PAFAH1B1: variants seen among roughly 807,000 people sequenced by gnomAD.
PAFAH1B1 encodes the protein platelet activating factor acetylhydrolase 1b regulatory subunit 1, also known as platelet-activating factor acetylhydrolase IB subunit beta.
PAFAH1B1 carries 2 observed loss-of-function variants against 57.5 expected under a neutral mutation model. That is an observed-to-expected ratio of 0.03 (90% CI 0.01 to 0.11). The LOEUF (loss-of-function observed/expected upper bound fraction) is 0.11, where lower values mean the gene tolerates loss of function less well. Among genes scored for constraint, PAFAH1B1 ranks in the 10% least tolerant of loss-of-function variants. PAFAH1B1 has a pLI of 1.00. For synonymous variants in PAFAH1B1, 152 were observed against 169.6 expected (o/e 0.90, Z 0.81); for missense variants, 257 against 512.0 (o/e 0.50, Z 4.81).
At chr17:2,672,481 T>A (rs1042545651) in intron 6 of PAFAH1B1, among the ~76,000 whole-genome samples, 174 bp from the exon 7 acceptor site, 1 of 152,106 alleles carries the variant, frequency 6.6e-6, no homozygotes, top group Non-Finnish European at 1.5e-5. Context: ...TTTTACTGAT[T>A]TTTTTAACTT....
intron 1 of PAFAH1B1, among the ~76,000 whole-genome samples, chr17:2,633,475 CTT>C (rs528278757): frequency 7.0e-6 from 1 of 141,912 alleles, no homozygotes. Context: ...GCCAGGATTT[CTT>C]TTTTTTTTTT....
intron 1 of PAFAH1B1, among the ~76,000 whole-genome samples, chr17:2,635,820 G>A (rs559559822): frequency 8.4e-4 from 127 of 151,782 alleles, no homozygotes; most frequent in South Asian, 1.7e-3. Context: ...ATATAATTGA[G>A]CCAGGCATGG....
chr17:2,607,956 C>T (rs1315057125), intron 1 of PAFAH1B1, among the ~76,000 whole-genome samples: 5 of 152,064 alleles, frequency 3.3e-5, no homozygotes, highest in African/African-American at 7.2e-5. Context: ...TTAGAATTTA[C>T]GTGAATATTC....
intron 1 of PAFAH1B1, among the ~76,000 whole-genome samples, chr17:2,607,075 C>T (rs1023741997): frequency 3.9e-5 from 6 of 151,954 alleles, no homozygotes; most frequent in East Asian, 3.9e-4. Context: ...CCACCCGCCT[C>T]GGCCTCCTGC....
intron 2 of PAFAH1B1, among the ~76,000 whole-genome samples, chr17:2,639,092 G>C (rs1300119737): frequency 6.6e-6 from 1 of 150,952 alleles, no homozygotes; most frequent in East Asian, 2.0e-4. Flanking sequence ...TAGAGATGGG[G>C]TTTCACCGTG....
At chr17:2,615,796 A>G (rs2068332193) in intron 1 of PAFAH1B1, among the ~76,000 whole-genome samples, 2 of 152,214 alleles carry the variant, frequency 1.3e-5, no homozygotes, top group African/African-American at 4.8e-5. Context: ...ACCCATCAAC[A>G]AATGAACACA....
intron 7 of PAFAH1B1, 149 bp from the exon 8 acceptor site, chr17:2,673,906 CTACTT>C: frequency 1.6e-6 from 1 of 628,108 alleles, no homozygotes; most frequent in South Asian, 1.9e-5. Context: ...CTTATTGTTC[CTACTT>C]TAATTAACCA....
intron 1 of PAFAH1B1, among the ~76,000 whole-genome samples, chr17:2,617,998 C>T (rs2151620322): frequency 6.6e-6 from 1 of 152,104 alleles, no homozygotes; most frequent in African/African-American, 2.4e-5. Flanking sequence ...CCTGTAATCC[C>T]AGCACTTTGG....
chr17:2,653,732 G>T (rs2068898534), intron 2 of PAFAH1B1, among the ~76,000 whole-genome samples: 1 of 151,932 alleles, frequency 6.6e-6, no homozygotes, highest in Non-Finnish European at 1.5e-5. Flanking sequence ...AATTTCAGAT[G>T]GTTATATTTA....
intron 1 of PAFAH1B1, among the ~76,000 whole-genome samples, chr17:2,635,712 T>G (rs1182441579): frequency 6.6e-6 from 1 of 152,146 alleles, no homozygotes; most frequent in Non-Finnish European, 1.5e-5. Context: ...CTAGCAGAGA[T>G]ATGTTTATAA....
At chr17:2,674,804 G>A (rs969666897) in intron 8 of PAFAH1B1, among the ~76,000 whole-genome samples, 1 of 152,074 alleles carries the variant, frequency 6.6e-6, no homozygotes, top group Admixed American at 6.6e-5. Flanking sequence ...GAGTTTTAAC[G>A]CATTTCTTTG....
At chr17:2,598,563 CTG>C (rs1299306758) in intron 1 of PAFAH1B1, among the ~76,000 whole-genome samples, 1 of 149,818 alleles carries the variant, frequency 6.7e-6, no homozygotes, top group Non-Finnish European at 1.5e-5. Context: ...TTCTTTGCCA[CTG>C]TTTTTATTAT....
intron 2 of PAFAH1B1, among the ~76,000 whole-genome samples, chr17:2,638,864 A>G (rs2068658494): frequency 6.6e-6 from 1 of 151,876 alleles, no homozygotes; most frequent in Non-Finnish European, 1.5e-5. Context: ...AACGCAAAAC[A>G]GACAAGTCAG....
chr17:2,628,276 T>G (rs2068516331), intron 1 of PAFAH1B1, among the ~76,000 whole-genome samples: 1 of 152,200 alleles, frequency 6.6e-6, no homozygotes, highest in Non-Finnish European at 1.5e-5. Flanking sequence ...AGAGTTTTAA[T>G]TATAAAGGGA....
At chr17:2,616,147 A>G (rs948362874) in intron 1 of PAFAH1B1, among the ~76,000 whole-genome samples, 1 of 152,166 alleles carries the variant, frequency 6.6e-6, no homozygotes, top group African/African-American at 2.4e-5. Context: ...ATAATCCTTG[A>G]AAGCATTAAT....
intron 2 of PAFAH1B1, among the ~76,000 whole-genome samples, chr17:2,664,672 C>CTCTCTCTCTCTCTA (rs2069076605): frequency 8.9e-6 from 1 of 112,482 alleles, no homozygotes; most frequent in Non-Finnish European, 2.1e-5. Context: ...ATCGCTCTCT[C>CTCTCTCTCTCTCTA]TCTCTCTCTC....
chr17:2,624,010 G>C (rs1467326184), intron 1 of PAFAH1B1, among the ~76,000 whole-genome samples: 1 of 152,148 alleles, frequency 6.6e-6, no homozygotes, highest in Non-Finnish European at 1.5e-5. Context: ...TTACTGCTTA[G>C]AAATTTCTTT....
intron 7 of PAFAH1B1, 198 bp from the exon 8 acceptor site, chr17:2,673,862 G>C: frequency 1.8e-6 from 1 of 563,392 alleles, no homozygotes; most frequent in Non-Finnish European, 3.2e-6. Context: ...TCTAGATGTT[G>C]ATTTTATTAG....
At position 2,672,656 on chromosome 17, in the gene PAFAH1B1, C is replaced by T. The variant is rs758682063; in HGVS notation, c.570C>T (p.Gly190=). 5.6e-6 allele frequency: 9 copies of T among 1,600,654 alleles called. No individual in the cohort carries two copies. Among genetic ancestry groups the T allele is most frequent in the Middle Eastern group, 1.7e-4 (1 of 6,030 alleles). The part of the protein sequence containing the change: ...QGFECIRTMH[G]HDHNVSSVAI... ...ATATATTGCTGTTATGTGTTTTAGG[C>T]CATGACCACAATGTTTCTTCAGTAG... The change falls in exon 7 of 11, where the codon GGC becomes GGT. Residue 190 remains glycine (G), a splice_region_variant and synonymous_variant. Coordinates refer to ENST00000397195, the MANE Select transcript of PAFAH1B1 (RefSeq NM_000430.4).
Sources: allele counts gnomAD v4.1 joint callset (sites outside exome capture counted in the v4.1 genomes callset), GRCh38; gene constraint gnomAD v4.1.1; transcripts MANE v1.5; gene names NCBI Gene and HGNC (gene_info 2026-07-23, HGNC 2026-07-21).